Variants in MCCC1 observed in about 807,000 individuals in gnomAD.
MCCC1 encodes the protein methylcrotonoyl-CoA carboxylase subunit alpha, mitochondrial.
MCCC1 carries 64 observed loss-of-function variants against 83.8 expected under a neutral mutation model. The ratio of observed to expected loss-of-function variants is 0.76; its 90% CI spans 0.62 to 0.94. The LOEUF is 0.94. Ranked by LOEUF, MCCC1 falls within the 40% of genes least tolerant of loss-of-function variation. The probability of loss-of-function intolerance (pLI) is 0.00; values close to 1 mark genes in which losing one functional copy is unlikely to be tolerated. For missense variants in MCCC1, 807 were observed against 904.7 expected, an observed-to-expected ratio of 0.89 and a Z score of 1.39; for synonymous variants, 322 against 315.4, an observed-to-expected ratio of 1.02 and a Z score of -0.22.
upstream of MCCC1, among the ~76,000 whole-genome samples, chr3:183,102,548 G>A (rs998673612): frequency 6.6e-6 from 1 of 151,924 alleles, no homozygotes; most frequent in Non-Finnish European, 1.5e-5. Context: ...ATAGGTCATT[G>A]ACAAAATCTG....
intron 12 of MCCC1, 33 bp downstream of exon 12, chr3:183,038,993 T>C: frequency 4.4e-6 from 7 of 1,583,492 alleles, no homozygotes; most frequent in Non-Finnish European, 6.1e-6. Flanking sequence ...ACCAAACACA[T>C]CAAGGTCACT....
At chr3:183,054,483 G>A (rs557818506) in intron 8 of MCCC1, among the ~76,000 whole-genome samples, 19 of 152,136 alleles carry the variant, frequency 1.2e-4, no homozygotes, top group Non-Finnish European at 2.4e-4. Context: ...CACCGCGCCC[G>A]GCCTAGAAAA....
intron 9 of MCCC1, among the ~76,000 whole-genome samples, chr3:183,050,079 A>G (rs1318242502): frequency 6.6e-6 from 1 of 151,836 alleles, no homozygotes; most frequent in African/African-American, 2.4e-5. Flanking sequence ...TAGGCCAGGT[A>G]TGGTGGCTCA....
intron 15 of MCCC1, among the ~76,000 whole-genome samples, chr3:183,024,626 A>AC (rs1464770945): frequency 1.3e-5 from 2 of 151,740 alleles, no homozygotes; most frequent in Non-Finnish European, 2.9e-5. Context: ...AACAAAAAAA[A>AC]AACAAAACCC....
chr3:183,015,613 G>A (rs745756613), intron 18 of MCCC1, 47 bp from the exon 19 acceptor site: 5 of 1,611,630 alleles, frequency 3.1e-6, no homozygotes, highest in Non-Finnish European at 4.2e-6. Context: ...ATACTAATGA[G>A]GACTGAGTAT....
intron 13 of MCCC1, among the ~76,000 whole-genome samples, chr3:183,035,605 T>C (rs1413961044): frequency 6.6e-6 from 1 of 151,974 alleles, no homozygotes; most frequent in African/African-American, 2.4e-5. Flanking sequence ...CCAATGAGCA[T>C]TTCCTTTGAG....
intron 1 of MCCC1, among the ~76,000 whole-genome samples, chr3:183,113,022 G>C (rs559737698): frequency 6.6e-6 from 1 of 152,088 alleles, no homozygotes. Flanking sequence ...TCAAGAGATC[G>C]AGACCATCCT....
chr3:183,030,082 C>T (rs1383136985), intron 14 of MCCC1, among the ~76,000 whole-genome samples: 1 of 152,050 alleles, frequency 6.6e-6, no homozygotes, highest in Admixed American at 6.6e-5. Context: ...CCGAGGTGGG[C>T]GGATAGCCTG....
At chr3:183,096,971 T>A (rs1351913675) in intron 1 of MCCC1, among the ~76,000 whole-genome samples, 1 of 152,202 alleles carries the variant, frequency 6.6e-6, no homozygotes, top group Non-Finnish European at 1.5e-5. Context: ...AGGCTACTGT[T>A]GACCTAAAGC....
Position 183,093,520 on chromosome 3 carries a change from TGGC to T in MCCC1, c.137-978_137-976del, listed in dbSNP as rs370269085. ...TGACTCTTGTACCAGTCTACTGGCA[TGGC>T]ACCATAATGACAAGCTACTGCATAT... is the stretch of plus-strand genomic sequence containing the variant. On this transcript the variant is annotated intron_variant, in intron 2 of 18. Transcript: ENST00000265594. Among the ~76,000 whole-genome samples, 16 of 152,358 alleles carry T rather than the reference TGGC, an allele frequency of 1.1e-4. No homozygotes were observed. The East Asian group carries it at 3.1e-3, about 29-fold the overall frequency.
At chr3:183,086,553 G>A in intron 4 of MCCC1, 140 bp downstream of exon 4, 2 of 756,236 alleles carry the variant, frequency 2.6e-6, no homozygotes, top group Non-Finnish European at 4.6e-6. Flanking sequence ...GATGGGACAT[G>A]CCTAGTTTAC....
chr3:183,062,987 T>C (rs1715962358), intron 7 of MCCC1, among the ~76,000 whole-genome samples: 1 of 151,950 alleles, frequency 6.6e-6, no homozygotes, highest in African/African-American at 2.4e-5. Flanking sequence ...ATTTTCCTAT[T>C]TACATTTTTT....
rs557518258 is a variant in MCCC1, at chr3:183,104,815, G to A, written c.-101-10210C>T. Among the ~76,000 whole-genome samples the A allele has an allele frequency of 1.8e-4, 28 of 152,180 alleles. 1 individual carries two copies. In the East Asian group the frequency reaches 2.1e-3, roughly 12 times the overall value. On this transcript the variant is annotated intron_variant, in intron 1 of 17. Transcript: ENST00000492597. ...GTTTAGCACACTGTAATTAGTGAGG[G>A]GTGTGGGAATATTATCACACTTTAC...
intron 10 of MCCC1, among the ~76,000 whole-genome samples, chr3:183,044,562 A>G (rs374153510): frequency 1.4e-3 from 212 of 152,244 alleles, no homozygotes; most frequent in African/African-American, 4.8e-3. Flanking sequence ...CTTCATTCCC[A>G]ACTCTGCCTT....
chr3:183,109,541 A>C (rs984422050), intron 1 of MCCC1, among the ~76,000 whole-genome samples: 3 of 152,194 alleles, frequency 2.0e-5, no homozygotes, highest in African/African-American at 7.2e-5. Flanking sequence ...TTCGCTTAGG[A>C]TAGTGGCCTC....
chr3:183,064,860 C>G lies in MCCC1; in HGVS notation c.761+6139G>C, dbSNP rs1307969502. On this transcript the variant is annotated intron_variant, in intron 7 of 18. Transcript: ENST00000265594. The surrounding 1 kb of genome is among the most constrained non-coding windows in gnomAD (Gnocchi z 4.5). ...GCCACCTGAACTTTTTATTTAGTGT[C>G]GGTTGCAATGGGCGGGTCTTTCTCT... 6.6e-6 allele frequency among the ~76,000 whole-genome samples: 1 copy of G among 151,998 alleles called. No individual in the cohort carries two copies.
chr3:183,107,389 C>G (rs1275432728), intron 1 of MCCC1, among the ~76,000 whole-genome samples: 1 of 131,714 alleles, frequency 7.6e-6, no homozygotes, highest in Non-Finnish European at 1.6e-5. Context: ...GCCTGGGCAA[C>G]AAGAGCGAAA....
rs1716110524 is a variant in MCCC1 at position 183,064,642 on chromosome 3, C to T, written c.761+6357G>A. On this transcript the variant is annotated intron_variant, in intron 7 of 18. Transcript: ENST00000265594. This position sits in a 1 kb window ranked among gnomAD's most constrained non-coding sequence, Gnocchi z 4.5. ...ACGCCTCCTGCGCGTTGCCGAAGTC[C>T]ACTGCGGGCACCGGCGGCCACACTG... Among the ~76,000 whole-genome samples, 1 of 152,316 alleles carries T rather than the reference C, an allele frequency of 6.6e-6. No homozygotes were observed. The highest frequency in any genetic ancestry group is 1.9e-4 in the East Asian group (1 of 5,184).
chr3:183,068,008 G>C (rs140337845), intron 7 of MCCC1, among the ~76,000 whole-genome samples: 2 of 152,212 alleles, frequency 1.3e-5, no homozygotes, highest in East Asian at 3.9e-4. Context: ...GAACACAAGA[G>C]ATCCTAATAG....
Sources: allele counts gnomAD v4.1 joint callset (sites outside exome capture counted in the v4.1 genomes callset), GRCh38; gene constraint gnomAD v4.1.1; non-coding constraint Gnocchi (gnomAD v3.1); transcripts MANE v1.5; gene names NCBI Gene and HGNC (gene_info 2026-07-23, HGNC 2026-07-21).